Variants in SYTL2 observed in about 807,000 individuals in gnomAD.
The protein encoded by SYTL2 is synaptotagmin like 2.
A neutral mutation model predicts 198.7 loss-of-function variants in SYTL2; 165 were observed. The observed-to-expected ratio is 0.83, with a 90% CI of 0.73 to 0.94. The LOEUF (loss-of-function observed/expected upper bound fraction) is 0.94. Among genes scored for constraint, SYTL2 ranks in the 40% least tolerant of loss-of-function variants. SYTL2 has a pLI of 0.00. For missense variants in SYTL2, 2,835 were observed against 2,582.8 expected, an observed-to-expected ratio of 1.10 and a Z score of -2.12; for synonymous variants, 966 against 917.7, an observed-to-expected ratio of 1.05 and a Z score of -0.95.
intron 1 of SYTL2, among the ~76,000 whole-genome samples, chr11:85,769,388 G>T (rs568794746): frequency 1.3e-5 from 2 of 152,200 alleles, no homozygotes; most frequent in East Asian, 3.8e-4. Context: ...TTTGAAGATG[G>T]AGGAAGGGGC....
chr11:85,729,838 A>G (rs180671779), intron 7 of SYTL2, among the ~76,000 whole-genome samples: 33 of 148,188 alleles, frequency 2.2e-4, no homozygotes, highest in Middle Eastern at 3.4e-3. Context: ...AATAAAATAG[A>G]TAGACCATTA....
chr11:85,791,427 C>G (rs955199282), intron 1 of SYTL2, among the ~76,000 whole-genome samples: 2 of 152,006 alleles, frequency 1.3e-5, no homozygotes, highest in South Asian at 4.1e-4. Context: ...TCAAAGACAC[C>G]AATTCAATAC....
intron 1 of SYTL2, among the ~76,000 whole-genome samples, chr11:85,771,161 G>T (rs914454111): frequency 1.3e-5 from 2 of 152,108 alleles, no homozygotes; most frequent in Non-Finnish European, 2.9e-5. Flanking sequence ...ACATAGTAGT[G>T]GAAAAAAACA....
chr11:85,715,100 A>C (rs911902560), intron 11 of SYTL2: 1 of 152,210 alleles, frequency 6.6e-6, no homozygotes. Context: ...ACTGATTCAG[A>C]ATTTTCAATA....
At chr11:85,713,019 T>A (rs530656242) in intron 12 of SYTL2, among the ~76,000 whole-genome samples, 1 of 152,306 alleles carries the variant, frequency 6.6e-6, no homozygotes, top group East Asian at 1.9e-4. Flanking sequence ...ATGCCCGGCC[T>A]CATATTATTA....
intron 1 of SYTL2, among the ~76,000 whole-genome samples, chr11:85,780,034 G>C (rs1019191317): frequency 6.6e-6 from 1 of 152,180 alleles, no homozygotes; most frequent in African/African-American, 2.4e-5. Context: ...CTCTCACATA[G>C]ACTCCTTCTG....
In SYTL2 at chr11:85,727,190, G is replaced by C; in HGVS notation, c.2168C>G (p.Pro723Arg). ...NFDSSTVVKE[P>R]GLKDNMNAER... is the part of the protein sequence containing the mutation. ...TGCATTCATGTTATCTTTCAAACCT[G>C]GTTCTTTGACAACTGTTGAAGAGTC... Residue 723 changes from proline to arginine, a missense_variant, in exon 8 of 20, where the codon CCA becomes CGA. Pro to Arg is a moderately radical substitution (Grantham distance 103). Transcript: ENST00000359152. The C allele has an allele frequency of 6.5e-7, 1 of 1,536,434 alleles. No individual in the cohort carries two copies. The highest frequency in any genetic ancestry group is 8.7e-7 in the Non-Finnish European group (1 of 1,146,952).
chr11:85,847,018 G>A, the SYTL2 span, among the ~76,000 whole-genome samples: 1 of 152,146 alleles, frequency 6.6e-6, no homozygotes, highest in Non-Finnish European at 1.5e-5. Context: ...ACAGGCATGA[G>A]CCACCGTGCC....
intron 8 of SYTL2, among the ~76,000 whole-genome samples, chr11:85,722,595 G>A (rs1208712605): frequency 6.6e-6 from 1 of 152,052 alleles, no homozygotes; most frequent in Admixed American, 6.6e-5. Flanking sequence ...TCCTTCTCCT[G>A]TGGGTCAGTT....
the SYTL2 span, among the ~76,000 whole-genome samples, chr11:85,827,482 T>C: frequency 2.0e-5 from 3 of 152,176 alleles, no homozygotes; most frequent in African/African-American, 7.2e-5. Context: ...TCTGGGCCTT[T>C]CCAGGGGCTG....
In SYTL2 at chr11:85,736,743, A is replaced by G; in HGVS notation, c.472-128T>C. On this transcript the variant is annotated intron_variant, in intron 5 of 19. Transcript: ENST00000359152. ...AACTCCATTATTTGGCATGTTTGAA[A>G]AACAGTTGTCCTGATTAATCTGCTT... 4 of 636,184 alleles carry G rather than the reference A, an allele frequency of 6.3e-6. No homozygotes were observed. The Admixed American group carries it at 1.2e-4, about 20-fold the overall frequency. The allele number at this position is 636,184 out of a possible 1,614,324, so 39.4% of individuals were successfully genotyped here. A position where few individuals can be genotyped will look rare whatever the true frequency, so the allele number is the denominator to read the frequency against.
At chr11:85,735,276 T>G (rs951169793) in intron 6 of SYTL2, among the ~76,000 whole-genome samples, 15 of 152,226 alleles carry the variant, frequency 9.9e-5, no homozygotes, top group Non-Finnish European at 1.8e-4. Context: ...TTACTGTGCT[T>G]TATATAGTTT....
rs989836519 is a variant in SYTL2, at chr11:85,726,897, G to C, written c.2461C>G (p.Gln821Glu). 6.5e-7 allele frequency: 1 copy of C among 1,536,606 alleles called. No individual in the cohort carries two copies. Among genetic ancestry groups the C allele is most frequent in the South Asian group, 1.2e-5 (1 of 84,010 alleles). Residue 821 changes from glutamine to glutamate, a missense_variant, in exon 8 of 20, where the codon CAA becomes GAA. Coordinates refer to ENST00000359152, the MANE Select transcript of SYTL2 (RefSeq NM_206927.4). ...EKPTSSCSQE[Q>E]PSAKAYQPVK... The stretch of plus-strand genomic sequence containing the variant: ...GGCTGATATGCTTTAGCAGAAGGTT[G>C]TTCCTGGCTACATGAAGATGTGGGT...
At chr11:85,722,393 C>G (rs1167076637) in intron 8 of SYTL2, among the ~76,000 whole-genome samples, 1 of 151,998 alleles carries the variant, frequency 6.6e-6, no homozygotes, top group Admixed American at 6.6e-5. Flanking sequence ...CCAGGATGGT[C>G]TCGATATCCT....
intron 4 of SYTL2, among the ~76,000 whole-genome samples, chr11:85,739,161 G>A (rs1351432854): frequency 6.6e-6 from 1 of 151,862 alleles, no homozygotes; most frequent in African/African-American, 2.4e-5. Flanking sequence ...CTTGCACAGT[G>A]CCTGGTACAT....
At chr11:85,851,315 G>A in the SYTL2 span, among the ~76,000 whole-genome samples, 1 of 152,240 alleles carries the variant, frequency 6.6e-6, no homozygotes, top group Admixed American at 6.5e-5. Flanking sequence ...AGTAACTGCT[G>A]TAGGTAAAAT....
chr11:85,846,553 A>G, the SYTL2 span, among the ~76,000 whole-genome samples: 1 of 151,820 alleles, frequency 6.6e-6, no homozygotes, highest in Non-Finnish European at 1.5e-5. Context: ...TCAACTTCCC[A>G]AGTAGCTGGG....
rs923829994 is a variant in SYTL2, at chr11:85,745,494, C to A, written c.389+143G>T. The A allele has an allele frequency of 1.3e-5, 10 of 783,260 alleles. No homozygotes were observed. The African/African-American group carries it at 1.7e-4, about 13-fold the overall frequency. 48.5% of individuals were successfully genotyped at this position (783,260 alleles called of 1,614,324 possible). On this transcript the variant is annotated intron_variant, in intron 4 of 19. Transcript: ENST00000359152. ...ACTTGGGCTTTATCTGCATCGGGGC[C>A]CAGAATTCTCTCATACACTGCCCCT...
intron 2 of SYTL2, among the ~76,000 whole-genome samples, chr11:85,755,888 T>C (rs2091837367): frequency 6.6e-6 from 1 of 152,044 alleles, no homozygotes; most frequent in African/African-American, 2.4e-5. Flanking sequence ...TACTTGCACC[T>C]CTCCAAAATG....
Sources: gnomAD v4.1 joint callset for allele counts (sites outside exome capture counted in the v4.1 genomes callset) on GRCh38, gnomAD v4.1.1 for gene constraint, MANE v1.5 for transcripts, NCBI Gene and HGNC (gene_info 2026-07-23, HGNC 2026-07-21) for gene names.